The following PLCE1 variants were observed in gnomAD, a reference collection of about 807,000 sequenced individuals.
PLCE1 encodes 1-phosphatidylinositol 4,5-bisphosphate phosphodiesterase epsilon-1.
A neutral mutation model predicts 242.8 loss-of-function variants in PLCE1; 119 were observed. The observed-to-expected ratio is 0.49, with a 90% CI of 0.42 to 0.57. The LOEUF is 0.57. Ranked by LOEUF, PLCE1 falls within the 20% of genes least tolerant of loss-of-function variation. The pLI is 0.00. For synonymous variants in PLCE1, 945 were observed against 1,017.4 expected (o/e 0.93, Z 1.35); for missense variants, 2,441 against 2,788.8 (o/e 0.88, Z 2.81).
At chr10:94,122,645 T>C (rs995754560) in intron 2 of PLCE1, among the ~76,000 whole-genome samples, 3 of 152,156 alleles carry the variant, frequency 2.0e-5, no homozygotes, top group Admixed American at 1.3e-4. Flanking sequence ...GGCCCTAGAC[T>C]GTGCCCTCAG....
At chr10:94,179,307 G>A (rs1347470361) in intron 4 of PLCE1, among the ~76,000 whole-genome samples, 1 of 151,996 alleles carries the variant, frequency 6.6e-6, no homozygotes, top group Non-Finnish European at 1.5e-5. Flanking sequence ...ATGTCTCATG[G>A]TTCCTGGCAG....
At chr10:94,297,482 G>T (rs901098518) in intron 23 of PLCE1, among the ~76,000 whole-genome samples, 4 of 150,760 alleles carry the variant, frequency 2.7e-5, no homozygotes, top group African/African-American at 9.7e-5. Flanking sequence ...TTGAAATGTT[G>T]CAAGAATTAC....
chr10:94,206,227 C>T (rs1011722398), intron 4 of PLCE1, among the ~76,000 whole-genome samples: 7 of 152,098 alleles, frequency 4.6e-5, no homozygotes, highest in Non-Finnish European at 8.8e-5. Flanking sequence ...AAAGCAAGAA[C>T]ATTCCAGGTA....
intron 2 of PLCE1, among the ~76,000 whole-genome samples, chr10:94,060,501 T>A (rs1272507492): frequency 1.3e-5 from 2 of 152,160 alleles, no homozygotes; most frequent in East Asian, 3.9e-4. Context: ...TTTGTGAGCT[T>A]GGCAAGACTT....
At chr10:94,000,477 T>A (rs1055535159) in intron 1 of PLCE1, among the ~76,000 whole-genome samples, 3 of 152,394 alleles carry the variant, frequency 2.0e-5, no homozygotes, top group Admixed American at 6.5e-5. Context: ...GGCTTAGAAC[T>A]GTACATTGTC....
intron 3 of PLCE1, among the ~76,000 whole-genome samples, chr10:94,163,558 A>G (rs372696611): frequency 1.2e-4 from 18 of 152,072 alleles, no homozygotes; most frequent in Admixed American, 1.1e-3. Context: ...GTCTCTGCAC[A>G]TGAGATGGGT....
chr10:94,287,106 G>C (rs771801133), intron 22 of PLCE1: 1 of 152,234 alleles, frequency 6.6e-6, no homozygotes, highest in Non-Finnish European at 1.5e-5. Context: ...TCATGTGATA[G>C]AGCTTCTAAG....
intron 4 of PLCE1, among the ~76,000 whole-genome samples, chr10:94,185,032 T>G (rs1254024153): frequency 6.6e-6 from 1 of 152,144 alleles, no homozygotes; most frequent in Non-Finnish European, 1.5e-5. Flanking sequence ...AAGACATGGG[T>G]CATTTTGTTC....
At chr10:94,307,023 G>A (rs912812125) in intron 26 of PLCE1, among the ~76,000 whole-genome samples, 9 of 152,176 alleles carry the variant, frequency 5.9e-5, no homozygotes, top group African/African-American at 2.2e-4. Flanking sequence ...CATGTCAGAG[G>A]GGTCGGGTGT....
At chr10:94,178,065 A>G (rs1023039677) in intron 4 of PLCE1, among the ~76,000 whole-genome samples, 1 of 152,148 alleles carries the variant, frequency 6.6e-6, no homozygotes, top group Admixed American at 6.5e-5. Context: ...GGAACCCTTC[A>G]TTGCATCTAC....
Position 94,031,260 on chromosome 10 carries a change from A to G in PLCE1, c.214A>G (p.Ile72Val), listed in dbSNP as rs2061551112. 1 of 1,613,776 alleles carries G rather than the reference A, an allele frequency of 6.2e-7. No individual in the cohort carries two copies. The change falls in exon 2 of 33, where the codon ATT becomes GTT. Residue 72 changes from isoleucine (I) to valine (V), a missense_variant. Transcript: ENST00000371380. ...EEPSGSNLPKILSIAREKIVS... is the reference protein window; with the variant it reads ...EEPSGSNLPKVLSIAREKIVS... Reference sequence around the variant, plus strand: ...ACCTTCTGGAAGCAACTTGCCAAAGATTCTCTCAATAGCGAGGGAGAAAAT... The same window carrying G: ...ACCTTCTGGAAGCAACTTGCCAAAGGTTCTCTCAATAGCGAGGGAGAAAAT...
intron 4 of PLCE1, among the ~76,000 whole-genome samples, chr10:94,186,607 G>A (rs879299691): frequency 6.6e-6 from 1 of 152,120 alleles, no homozygotes; most frequent in Non-Finnish European, 1.5e-5. Context: ...TTAATAGAAA[G>A]CCTTATGGCA....
chr10:94,280,052 T>A, intron 20 of PLCE1, 141 bp downstream of exon 20: 1 of 883,680 alleles, frequency 1.1e-6, no homozygotes, highest in Non-Finnish European at 1.8e-6. Context: ...CTGAATTCAG[T>A]CACTTAGCAA....
intron 24 of PLCE1, among the ~76,000 whole-genome samples, chr10:94,300,181 C>A (rs1414857793): frequency 6.6e-6 from 1 of 152,078 alleles, no homozygotes; most frequent in East Asian, 1.9e-4. Context: ...TTGGATGTGC[C>A]CTTTCTCTGG....
intron 4 of PLCE1, among the ~76,000 whole-genome samples, chr10:94,220,788 A>C (rs914654120): frequency 6.6e-6 from 1 of 152,122 alleles, no homozygotes; most frequent in African/African-American, 2.4e-5. Context: ...TAGGAGGTAA[A>C]CAGTATGCCC....
chr10:94,272,813 G>A (rs766187216), intron 18 of PLCE1, among the ~76,000 whole-genome samples: 1 of 152,038 alleles, frequency 6.6e-6, no homozygotes, highest in South Asian at 2.1e-4. Flanking sequence ...GGAAAGAGGG[G>A]CACTGACAAA....
At chr10:94,062,533 G>T (rs1268001017) in intron 2 of PLCE1, among the ~76,000 whole-genome samples, 1 of 150,836 alleles carries the variant, frequency 6.6e-6, no homozygotes, top group Non-Finnish European at 1.5e-5. Context: ...CACCATGTCT[G>T]GTATATATTA....
chr10:94,154,735 A>G (rs2047375551), intron 3 of PLCE1, among the ~76,000 whole-genome samples: 1 of 151,972 alleles, frequency 6.6e-6, no homozygotes, highest in Non-Finnish European at 1.5e-5. Context: ...TAGGAATATT[A>G]ACATCAAAAC....
rs1322104106 is a variant in PLCE1, at chr10:94,328,006, G to A, written c.*63G>A. 1.9e-6 allele frequency: 1 copy of A among 531,558 alleles called. No individual in the cohort carries two copies. Among genetic ancestry groups the A allele is most frequent in the Non-Finnish European group, 3.9e-6 (1 of 259,078 alleles). The allele number at this position is 531,558 out of a possible 1,614,324, so 32.9% of individuals were successfully genotyped here. On this transcript the variant is annotated 3_prime_UTR_variant, in exon 33 of 33. Transcript: ENST00000371380. ...AGCAAGAAGTTAAAGAGTGAACATG[G>A]TGGAAAAAATATAATTATTTTCATC...
Sources: allele counts gnomAD v4.1 joint callset (sites outside exome capture counted in the v4.1 genomes callset), GRCh38; gene constraint gnomAD v4.1.1; transcripts MANE v1.5; gene names NCBI Gene and HGNC (gene_info 2026-07-23, HGNC 2026-07-21).